The following HMGCLL1 variants were observed in gnomAD, a reference collection of about 807,000 sequenced individuals.
HMGCLL1 encodes the protein 3-hydroxy-3-methylglutaryl-CoA lyase like 1, also known as 3-hydroxymethyl-3-methylglutaryl-CoA lyase, cytoplasmic.
In HMGCLL1, 36 loss-of-function variants were observed where a neutral mutation model predicts 39.1. The ratio of observed to expected loss-of-function variants is 0.92; its 90% CI spans 0.71 to 1.22. The LOEUF (loss-of-function observed/expected upper bound fraction) is 1.22, where lower values mean the gene tolerates loss of function less well. HMGCLL1 is among the 50% of genes most tolerant of loss of function. The pLI is 0.00. For missense variants in HMGCLL1, 451 were observed against 416.5 expected, an observed-to-expected ratio of 1.08 and a Z score of -0.72; for synonymous variants, 149 against 144.0, an observed-to-expected ratio of 1.03 and a Z score of -0.25.
At chr6:55,672,627 T>C in the HMGCLL1 span, among the ~76,000 whole-genome samples, 1 of 151,882 alleles carries the variant, frequency 6.6e-6, no homozygotes, top group East Asian at 1.9e-4. Context: ...GCAAATCACT[T>C]TCACCTAACT....
chr6:55,615,658 T>C, the HMGCLL1 span, among the ~76,000 whole-genome samples: 2 of 152,180 alleles, frequency 1.3e-5, no homozygotes, highest in African/African-American at 4.8e-5. Context: ...CTATAGACTA[T>C]TTCTGAATAA....
intron 7 of HMGCLL1, among the ~76,000 whole-genome samples, chr6:55,466,291 T>C (rs1764797128): frequency 6.6e-6 from 1 of 152,070 alleles, no homozygotes; most frequent in South Asian, 2.1e-4. Context: ...CAGTAGTAAC[T>C]GAAGGGAATG....
At chr6:55,466,674 C>T (rs1323246019) in intron 7 of HMGCLL1, among the ~76,000 whole-genome samples, 2 of 152,034 alleles carry the variant, frequency 1.3e-5, no homozygotes, top group Non-Finnish European at 2.9e-5. Flanking sequence ...CCAATATGCC[C>T]TTCACTCCTC....
chr6:55,544,121 T>G (rs1769815172), intron 1 of HMGCLL1, among the ~76,000 whole-genome samples: 1 of 152,068 alleles, frequency 6.6e-6, no homozygotes, highest in Non-Finnish European at 1.5e-5. Context: ...AATAACCCAC[T>G]GGGAGCAGCC....
chr6:55,574,198 C>T (rs867080975), intron 1 of HMGCLL1, among the ~76,000 whole-genome samples: 4 of 151,584 alleles, frequency 2.6e-5, no homozygotes, highest in African/African-American at 7.3e-5. Context: ...AATATTAGTA[C>T]TTTTTTTACT....
chr6:55,654,772 A>G, the HMGCLL1 span, among the ~76,000 whole-genome samples: 1 of 151,936 alleles, frequency 6.6e-6, no homozygotes, highest in East Asian at 1.9e-4. Flanking sequence ...TTCAGCTTGC[A>G]CATATCACAT....
chr6:55,672,434 C>T, the HMGCLL1 span, among the ~76,000 whole-genome samples: 2 of 151,628 alleles, frequency 1.3e-5, no homozygotes, highest in Non-Finnish European at 3.0e-5. Flanking sequence ...AATCCTTCAC[C>T]GTTTATAGCT....
chr6:55,650,084 CATATACATATATAT>C, the HMGCLL1 span, among the ~76,000 whole-genome samples: 262 of 48,040 alleles, frequency 5.5e-3, 6 homozygotes, highest in Non-Finnish European at 8.3e-3. Flanking sequence ...TATACACACA[CATATACATATATAT>C]ATATATATAT....
At chr6:55,498,241 T>TA (rs199538884) in intron 6 of HMGCLL1, among the ~76,000 whole-genome samples, 1 of 151,880 alleles carries the variant, frequency 6.6e-6, no homozygotes, top group Non-Finnish European at 1.5e-5. Context: ...GAGGTATTCT[T>TA]AAAAAATATA....
chr6:55,594,989 C>T, the HMGCLL1 span, among the ~76,000 whole-genome samples: 3 of 152,078 alleles, frequency 2.0e-5, no homozygotes, highest in Non-Finnish European at 2.9e-5. Flanking sequence ...TGTTTTTTGG[C>T]TTTTAATTTC....
chr6:55,675,114 A>G, the HMGCLL1 span, among the ~76,000 whole-genome samples: 2 of 152,144 alleles, frequency 1.3e-5, no homozygotes, highest in Non-Finnish European at 2.9e-5. Flanking sequence ...ATTTTTGATC[A>G]AAGGAATTAA....
intron 3 of HMGCLL1, among the ~76,000 whole-genome samples, chr6:55,531,189 G>A (rs1345246774): frequency 6.6e-6 from 1 of 152,034 alleles, no homozygotes; most frequent in Non-Finnish European, 1.5e-5. Flanking sequence ...TAGTCCCTAG[G>A]GCATACTCTG....
At chr6:55,439,411 T>G in intron 8 of HMGCLL1, 23 bp downstream of exon 8, 1 of 1,593,864 alleles carries the variant, frequency 6.3e-7, no homozygotes, top group African/African-American at 1.3e-5. Flanking sequence ...GCATGAATAT[T>G]AAAATACGTT....
intron 1 of HMGCLL1, among the ~76,000 whole-genome samples, chr6:55,568,167 T>A (rs940952919): frequency 3.3e-5 from 5 of 152,138 alleles, no homozygotes; most frequent in African/African-American, 1.2e-4. Flanking sequence ...AATGTAAAAA[T>A]TGGCTTATAA....
intron 1 of HMGCLL1, among the ~76,000 whole-genome samples, chr6:55,552,905 G>T (rs1770421672): frequency 6.6e-6 from 1 of 151,844 alleles, no homozygotes; most frequent in Non-Finnish European, 1.5e-5. Context: ...AATTTGGGAG[G>T]CCAAGGCGGC....
At chr6:55,631,592 C>A in the HMGCLL1 span, among the ~76,000 whole-genome samples, 1 of 152,144 alleles carries the variant, frequency 6.6e-6, no homozygotes, top group East Asian at 1.9e-4. Flanking sequence ...TTCATTAAGC[C>A]TCGTGATCCT....
At chr6:55,586,755 A>T in the HMGCLL1 span, among the ~76,000 whole-genome samples, 1 of 152,010 alleles carries the variant, frequency 6.6e-6, no homozygotes, top group Admixed American at 6.6e-5. Flanking sequence ...ATAGTATTCT[A>T]TGGTGGTGTA....
chr6:55,654,163 T>G, the HMGCLL1 span, among the ~76,000 whole-genome samples: 2 of 151,880 alleles, frequency 1.3e-5, no homozygotes, highest in African/African-American at 4.8e-5. Context: ...AAGAAAGTAC[T>G]GATAATTGTG....
At chr6:55,470,441 C>A (rs1764996114) in intron 7 of HMGCLL1, among the ~76,000 whole-genome samples, 1 of 151,768 alleles carries the variant, frequency 6.6e-6, no homozygotes, top group Admixed American at 6.6e-5. Context: ...TAGGAGTTAG[C>A]ACAATGTTTT....
Sources: allele counts gnomAD v4.1 joint callset (sites outside exome capture counted in the v4.1 genomes callset), GRCh38; gene constraint gnomAD v4.1.1; transcripts MANE v1.5; gene names NCBI Gene and HGNC (gene_info 2026-07-23, HGNC 2026-07-21).